KMT2D: variants seen among roughly 807,000 people sequenced by gnomAD.
KMT2D encodes the protein histone-lysine N-methyltransferase 2D.
In KMT2D, 55 loss-of-function variants were observed where a neutral mutation model predicts 512.7. The ratio of observed to expected loss-of-function variants is 0.11; its 90% CI spans 0.09 to 0.13. The LOEUF (loss-of-function observed/expected upper bound fraction) is 0.13. Among genes scored for constraint, KMT2D ranks in the 10% least tolerant of loss-of-function variants. The pLI is 1.00. For missense variants in KMT2D, 6,061 were observed against 7,127.9 expected, an observed-to-expected ratio of 0.85 and a Z score of 5.39; for synonymous variants, 2,995 against 2,904.0, an observed-to-expected ratio of 1.03 and a Z score of -1.01.
rs1938635558 is a variant in KMT2D at position 49,059,866 on chromosome 12, G to C, written c.-291C>G. Reference sequence around the variant, plus strand: ...GGACAGCCCCAGGGCGGCGAATCCCGAGCGGACACAAAGAGAGCACCGGTG... The same window carrying C: ...GGACAGCCCCAGGGCGGCGAATCCCCAGCGGACACAAAGAGAGCACCGGTG... On this transcript the variant is annotated 5_prime_UTR_variant, in exon 1 of 55. Coordinates refer to ENST00000301067, the MANE Select transcript of KMT2D (RefSeq NM_003482.4). 1 of 152,354 alleles carries C rather than the reference G, an allele frequency of 6.6e-6. No individual in the cohort carries two copies. The highest frequency in any genetic ancestry group is 1.5e-5 in the Non-Finnish European group (1 of 68,138). The allele number at this position is 152,354 out of a possible 1,614,324, so 9.4% of individuals were successfully genotyped here. A position where few individuals can be genotyped will look rare whatever the true frequency, so the allele number is the denominator to read the frequency against.
At chr12:49,027,974 C>G in intron 47 of KMT2D, 35 bp downstream of exon 47, 1 of 1,613,426 alleles carries the variant, frequency 6.2e-7, no homozygotes, top group Non-Finnish European at 8.5e-7. Flanking sequence ...GAATCACTCC[C>G]CTCAAGTCCC....
Position 49,033,071 on chromosome 12 carries a change from C to G in KMT2D, c.11634G>C (p.Gln3878His). 2 of 1,551,668 alleles carry G rather than the reference C, an allele frequency of 1.3e-6. No homozygotes were observed. The highest frequency in any genetic ancestry group is 1.7e-6 in the Non-Finnish European group (2 of 1,146,984). ...GSMAGLSHLQ[Q>H]SLMSHSGQPK... ...GCTGCCCACTGTGTGACATCAGACT[C>G]TGCTGAAGATGGGACAGCCCTGCCA... Residue 3878 changes from glutamine (Q) to histidine (H), a missense_variant, in exon 40 of 55, where the codon CAG becomes CAC. By Grantham distance (24) the Gln-to-His change is conservative (BLOSUM62 0). This residue lies in a region of KMT2D where 1,600 missense variants were observed against 1,754.9 expected (regional missense o/e 0.91). Transcript: ENST00000301067.
Position 49,031,332 on chromosome 12 carries a change from G to T in KMT2D, c.13373C>A (p.Ala4458Asp). 1 of 1,613,608 alleles carries T rather than the reference G, an allele frequency of 6.2e-7. No individual in the cohort carries two copies. The highest frequency in any genetic ancestry group is 8.5e-7 in the Non-Finnish European group (1 of 1,179,890). ...HLLLAGPRSE[A>D]GHLLLQKLLR... ...TAGCTTCTGCAAGAGCAGATGCCCAGCTTCTGAGCGAGGGCCTGCCAGCAG... is the reference window on the plus strand; with the variant it reads ...TAGCTTCTGCAAGAGCAGATGCCCATCTTCTGAGCGAGGGCCTGCCAGCAG... The change falls in exon 40 of 55, where the codon GCT becomes GAT. Residue 4458 changes from alanine (A) to aspartate (D), a missense_variant. This residue lies in a region of KMT2D where 1,600 missense variants were observed against 1,754.9 expected (regional missense o/e 0.91). Transcript: ENST00000301067.
Position 49,053,282 on chromosome 12 carries a change from C to T in KMT2D, c.879G>A (p.Thr293=), listed in dbSNP as rs372915490. The change falls in exon 8 of 55, where the codon ACG becomes ACA. Residue 293 remains threonine, a synonymous_variant. Coordinates refer to ENST00000301067, the MANE Select transcript of KMT2D (RefSeq NM_003482.4). ...AGAAAGTATGGTATCCTTTGTCACACGTCTCACAAACCAACATCTTAGAGT... is the reference window on the plus strand; with the variant it reads ...AGAAAGTATGGTATCCTTTGTCACATGTCTCACAAACCAACATCTTAGAGT... ...GNDSKMLVCE[T]CDKGYHTFCL... is the part of the protein sequence containing the mutation. 2.6e-4 allele frequency: 422 copies of T among 1,613,878 alleles called. No homozygotes were observed. The highest frequency in any genetic ancestry group is 3.3e-4 in the Non-Finnish European group (388 of 1,179,900).
rs772243804 is a variant in KMT2D, at chr12:49,042,675, G to A, written c.5783-30C>T. The A allele has an allele frequency of 3.1e-6, 5 of 1,610,228 alleles. No homozygotes were observed. The South Asian group carries it at 5.5e-5, about 18-fold the overall frequency. On this transcript the variant is annotated intron_variant, in intron 27 of 54. Transcript: ENST00000301067. The surrounding 1 kb of genome is among the most constrained non-coding windows in gnomAD (Gnocchi z 4.4). ...AAGACGGACAGGATCAGAGAAAAGA[G>A]CAACTGGCCCATCCTGGAGGCAAGC...
rs2120538117 is a variant in KMT2D at position 49,040,941 on chromosome 12, G to A, written c.6829C>T (p.Pro2277Ser). Reference sequence around the variant, plus strand: ...AGGGCCTTCCGGGACTCCCCAAAAGGTGGGGGCGAGAGCAGGGGCTCGGAA... The same window carrying A: ...AGGGCCTTCCGGGACTCCCCAAAAGATGGGGGCGAGAGCAGGGGCTCGGAA... ...KASEPLLSPPPFGESRKALEV... is the reference protein window; with the variant it reads ...KASEPLLSPPSFGESRKALEV... The change falls in exon 32 of 55, where the codon CCT (proline) becomes TCT (serine). Residue 2277 changes from proline to serine, a missense_variant. Physicochemically the swap from Pro to Ser is moderately conservative, Grantham distance 74. Coordinates refer to ENST00000301067, the MANE Select transcript of KMT2D (RefSeq NM_003482.4). 1 of 1,613,518 alleles carries A rather than the reference G, an allele frequency of 6.2e-7. No homozygotes were observed. Among genetic ancestry groups the A allele is most frequent in the Non-Finnish European group, 8.5e-7 (1 of 1,179,616 alleles).
In KMT2D at chr12:49,039,063, G is replaced by C. The variant is rs1943362462; in HGVS notation, c.8367-74C>G. 3.3e-6 allele frequency: 5 copies of C among 1,522,450 alleles called. No homozygotes were observed. The South Asian group carries it at 5.8e-5, about 18-fold the overall frequency. The allele number at this position is 1,522,450 out of a possible 1,614,324, so 94.3% of individuals were successfully genotyped here. A position where few individuals can be genotyped will look rare whatever the true frequency, so the allele number is the denominator to read the frequency against. ...CAAGAACATGGGCTTAGGGCAGTGAGGAAGGATAGAATTAATGCAGTGAGG... is the reference window on the plus strand; with the variant it reads ...CAAGAACATGGGCTTAGGGCAGTGACGAAGGATAGAATTAATGCAGTGAGG... On this transcript the variant is annotated intron_variant, in intron 34 of 54. Coordinates refer to ENST00000301067, the MANE Select transcript of KMT2D (RefSeq NM_003482.4). This position sits in a 1 kb window ranked among gnomAD's most constrained non-coding sequence, Gnocchi z 5.0.
In KMT2D at chr12:49,026,100, T is replaced by C; in HGVS notation, c.15784+82A>G. On this transcript the variant is annotated intron_variant, in intron 49 of 54. Coordinates refer to ENST00000301067, the MANE Select transcript of KMT2D (RefSeq NM_003482.4). This position sits in a 1 kb window ranked among gnomAD's most constrained non-coding sequence, Gnocchi z 9.6. Reference sequence around the variant, plus strand: ...GGATCATTCACATAGAAGCTACAGGTCCTCTTATAGACATTGTAACAGTGA... The same window carrying C: ...GGATCATTCACATAGAAGCTACAGGCCCTCTTATAGACATTGTAACAGTGA... 2 of 1,324,910 alleles carry C rather than the reference T, an allele frequency of 1.5e-6. No homozygotes were observed. Among genetic ancestry groups the C allele is most frequent in the Non-Finnish European group, 2.1e-6 (2 of 971,286 alleles). The allele number at this position is 1,324,910 out of a possible 1,614,324, so 82.1% of individuals were successfully genotyped here. A position where few individuals can be genotyped will look rare whatever the true frequency, so the allele number is the denominator to read the frequency against.
rs1487441721 is a variant in KMT2D, at chr12:49,042,587, G to A, written c.5841C>T (p.Leu1947=). The A allele has an allele frequency of 6.2e-7, 1 of 1,613,888 alleles. No individual in the cohort carries two copies. The change falls in exon 28 of 55, where the codon CTC becomes CTT. Residue 1947 remains leucine (L), a synonymous_variant. Transcript: ENST00000301067. The surrounding 1 kb of genome is among the most constrained non-coding windows in gnomAD (Gnocchi z 4.4). ...TAGAATCCAGGAACGGGGACTGGCA[G>A]AGGCCTGGGTAGGAGTCCATTGGGC... The part of the protein sequence containing the change: ...SSSPMDSYPG[L]CQSPFLDSRE...
rs763806964 is a variant in KMT2D, at chr12:49,052,949, A to G, written c.1078T>C (p.Ser360Pro). Residue 360 changes from serine (S) to proline (P), a missense_variant, in exon 9 of 55, where the codon TCC (serine) becomes CCC (proline). Physicochemically the swap from Ser to Pro is moderately conservative, Grantham distance 74. Around this residue, in one of 16 missense-constraint regions of KMT2D, gnomAD observed 848 missense variants for 838.5 expected, o/e 1.01. Transcript: ENST00000301067. ...HKAQGGQTIR[S>P]VAEQHTPVCS... ...ACCGGGGTATGCTGCTCAGCAACGG[A>G]GCGGATAGTCTGACCTCCCTGGGCT... The G allele has an allele frequency of 6.2e-7, 1 of 1,613,816 alleles. No individual in the cohort carries two copies. Among genetic ancestry groups the G allele is most frequent in the Non-Finnish European group, 8.5e-7 (1 of 1,179,850 alleles).
At chr12:49,053,849 A>C in intron 6 of KMT2D, 129 bp downstream of exon 6, 2 of 1,158,324 alleles carry the variant, frequency 1.7e-6, no homozygotes, top group Non-Finnish European at 2.4e-6. Flanking sequence ...CACAAAGTTC[A>C]CACCTATTTT....
Position 49,044,046 on chromosome 12 carries a change from C to G in KMT2D, c.5189-48G>C, listed in dbSNP as rs1043564439. ...AGACTCGGGTTGAGAGCATGCTGCT[C>G]CCAACTTGCAGGGTGACACTTTGTG... On this transcript the variant is annotated intron_variant, in intron 22 of 54. Coordinates refer to ENST00000301067, the MANE Select transcript of KMT2D (RefSeq NM_003482.4). The surrounding 1 kb of genome is among the most constrained non-coding windows in gnomAD (Gnocchi z 6.4). 6.2e-7 allele frequency: 1 copy of G among 1,609,484 alleles called. No homozygotes were observed. Among genetic ancestry groups the G allele is most frequent in the Non-Finnish European group, 8.5e-7 (1 of 1,177,160 alleles).
chr12:49,032,892 T>C lies in KMT2D; in HGVS notation c.11813A>G (p.Gln3938Arg), dbSNP rs983854485. ...QQQLQQQQQQ[Q>R]QLQQQQQQQL... ...TTGCTGCTGCTGTTGTTGAAGCTGC[T>C]GCTGCTGTTGCTGCTGTTGAAGCTG... The change falls in exon 40 of 55, where the codon CAG (glutamine) becomes CGG (arginine). Residue 3938 changes from glutamine (Q) to arginine (R), a missense_variant. By Grantham distance (43) the Gln-to-Arg change is conservative. Coordinates refer to ENST00000301067, the MANE Select transcript of KMT2D (RefSeq NM_003482.4). The C allele has an allele frequency of 6.5e-7, 1 of 1,549,940 alleles. No homozygotes were observed. Among genetic ancestry groups the C allele is most frequent in the Non-Finnish European group, 8.7e-7 (1 of 1,146,840 alleles).
At chr12:49,043,822 T>G (rs2120573762) in intron 23 of KMT2D, 40 bp from the exon 24 acceptor site, 1 of 1,613,846 alleles carries the variant, frequency 6.2e-7, no homozygotes, top group Non-Finnish European at 8.5e-7. Context: ...CTTCATGCCC[T>G]GCAGGGCACA....
Position 49,044,211 on chromosome 12 carries a change from T to G in KMT2D, c.5177A>C (p.Gln1726Pro). 1 of 1,611,796 alleles carries G rather than the reference T, an allele frequency of 6.2e-7. No individual in the cohort carries two copies. The highest frequency in any genetic ancestry group is 8.5e-7 in the Non-Finnish European group (1 of 1,179,722). Residue 1726 changes from glutamine (Q) to proline (P), a missense_variant, in exon 22 of 55, where the codon CAG becomes CCG. This residue lies in a region of KMT2D where 640 missense variants were observed against 814.3 expected (regional missense o/e 0.79). Coordinates refer to ENST00000301067, the MANE Select transcript of KMT2D (RefSeq NM_003482.4). The surrounding 1 kb of genome is among the most constrained non-coding windows in gnomAD (Gnocchi z 6.4). ...AQAEVLSGDGQPDEVIPADLP... is the reference protein window; with the variant it reads ...AQAEVLSGDGPPDEVIPADLP... ...CTCACCCGTCTCACCCTCGTCGGGC[T>G]GCCCATCCCCACTCAACACCTCCGC... is the stretch of plus-strand genomic sequence containing the variant.
At chr12:49,030,197 A>G (rs1592112482) in intron 43 of KMT2D, 83 bp downstream of exon 43, 5 of 1,230,742 alleles carry the variant, frequency 4.1e-6, no homozygotes, top group East Asian at 2.6e-5. Context: ...GCAACCCACT[A>G]ATTTCTAAAC....
At chr12:49,036,051 T>C (rs1943199695) in intron 35 of KMT2D, 1 of 152,254 alleles carries the variant, frequency 6.6e-6, no homozygotes, top group South Asian at 2.1e-4. Flanking sequence ...ACCTATTTAA[T>C]GAGTCTGCTA....
intron 37 of KMT2D, 21 bp from the exon 38 acceptor site, chr12:49,034,497 A>G (rs376862178): frequency 2.8e-5 from 45 of 1,613,158 alleles, no homozygotes; most frequent in Non-Finnish European, 3.6e-5. Context: ...AGAGGCTGCT[A>G]AAGGGTCATT....
In KMT2D at chr12:49,050,386, C is replaced by T. The variant is rs2120649759; in HGVS notation, c.3202G>A (p.Ala1068Thr). Reference protein sequence around the residue: ...IGKVVGVSDEAELHEMETEKV... With the variant: ...IGKVVGVSDETELHEMETEKV... ...TCAGTCTCCATCTCGTGCAGCTCAG[C>T]CTCATCTGAGACCCCCACTACCTTC... Residue 1068 changes from alanine (A) to threonine (T), a missense_variant, in exon 12 of 55, where the codon GCT becomes ACT. Ala to Thr is a moderately conservative substitution (Grantham distance 58, BLOSUM62 0). Coordinates refer to ENST00000301067, the MANE Select transcript of KMT2D (RefSeq NM_003482.4). 6.2e-7 allele frequency: 1 copy of T among 1,613,308 alleles called. No homozygotes were observed. Among genetic ancestry groups the T allele is most frequent in the South Asian group, 1.1e-5 (1 of 90,974 alleles).
Sources: gnomAD v4.1 joint callset for allele counts on GRCh38, gnomAD v4.1.1 for gene constraint, gnomAD v4.1.1 regional missense constraint, Gnocchi (gnomAD v3.1) non-coding constraint, MANE v1.5 for transcripts, NCBI Gene and HGNC (gene_info 2026-07-23, HGNC 2026-07-21) for gene names.